The following HIPK1 variants were observed in gnomAD, a reference collection of about 807,000 sequenced individuals.
The protein encoded by HIPK1 is homeodomain interacting protein kinase 1, also known as homeodomain-interacting protein kinase 1.
In HIPK1, 28 loss-of-function variants were observed where a neutral mutation model predicts 117.1. The observed-to-expected ratio is 0.24, with a 90% CI of 0.18 to 0.33. The LOEUF is 0.33. Among genes scored for constraint, HIPK1 ranks in the 10% least tolerant of loss-of-function variants. HIPK1 has a pLI of 1.00. For synonymous variants in HIPK1, 605 were observed against 562.5 expected (o/e 1.08, Z -1.07); for missense variants, 1,122 against 1,475.1 (o/e 0.76, Z 3.92).
At chr1:113,952,699 G>C (rs983552421) in intron 2 of HIPK1, 67 bp from the exon 3 acceptor site, 1 of 1,193,320 alleles carries the variant, frequency 8.4e-7, no homozygotes, top group South Asian at 2.5e-5. Context: ...ACAGGACTTA[G>C]TCATGTAGTT....
At chr1:113,930,269 C>T (rs539659507) in intron 1 of HIPK1, among the ~76,000 whole-genome samples, 2 of 152,354 alleles carry the variant, frequency 1.3e-5, no homozygotes, top group African/African-American at 2.4e-5. Flanking sequence ...GTTTTTTCCC[C>T]GGCTGTCGTG....
intron 1 of HIPK1, among the ~76,000 whole-genome samples, chr1:113,933,734 G>A (rs2101120267): frequency 6.6e-6 from 1 of 152,232 alleles, no homozygotes; most frequent in South Asian, 2.1e-4. Flanking sequence ...GGGCGTGGTG[G>A]CATGTACTGG....
intron 2 of HIPK1, chr1:113,951,035 A>G (rs1671329555): frequency 5.8e-6 from 1 of 172,024 alleles, no homozygotes; most frequent in Non-Finnish European, 1.2e-5. Flanking sequence ...GCTAACATGT[A>G]AAAAGATGTG....
intron 2 of HIPK1, among the ~76,000 whole-genome samples, chr1:113,949,034 C>T (rs1219879200): frequency 4.6e-5 from 7 of 152,212 alleles, no homozygotes; most frequent in African/African-American, 1.4e-4. Context: ...GACTGGGTTT[C>T]ATCATGTTGG....
chr1:113,962,304 C>T lies in HIPK1; in HGVS notation c.1982-13C>T, dbSNP rs1164838382. Reference sequence around the variant, plus strand: ...CTTGCAAAACTATTTAACTGTGATGCTGTTTTCAATAGCTGGACTACAAGC... The same window carrying T: ...CTTGCAAAACTATTTAACTGTGATGTTGTTTTCAATAGCTGGACTACAAGC... On this transcript the variant is annotated splice_polypyrimidine_tract_variant and intron_variant, in intron 8 of 15. Transcript: ENST00000426820. 3 of 1,612,174 alleles carry T rather than the reference C, an allele frequency of 1.9e-6. No individual in the cohort carries two copies. In the South Asian group the frequency reaches 3.3e-5, roughly 18 times the overall value.
chr1:113,969,848 A>C lies in HIPK1; in HGVS notation c.2772-108A>C, dbSNP rs990505824. Reference sequence around the variant, plus strand: ...CTTGAGCCCAGGAGGTTGAGGTCGCAGCGAGCTGTGATCACTCCACTGCAC... The same window carrying C: ...CTTGAGCCCAGGAGGTTGAGGTCGCCGCGAGCTGTGATCACTCCACTGCAC... On this transcript the variant is annotated intron_variant, in intron 13 of 15. Coordinates refer to ENST00000426820, the MANE Select transcript of HIPK1 (RefSeq NM_198268.3). The C allele has an allele frequency of 8.0e-6, 10 of 1,243,878 alleles. No individual in the cohort carries two copies. The Middle Eastern group carries it at 8.1e-4, about 101-fold the overall frequency. 77.1% of individuals were successfully genotyped at this position (1,243,878 alleles called of 1,614,324 possible).
intron 1 of HIPK1, among the ~76,000 whole-genome samples, chr1:113,934,574 C>A (rs1020159960): frequency 2.0e-5 from 3 of 151,948 alleles, no homozygotes; most frequent in Non-Finnish European, 4.4e-5. Flanking sequence ...TGGTTAAGTC[C>A]TTGGAAAGTC....
intron 2 of HIPK1, among the ~76,000 whole-genome samples, chr1:113,952,111 G>C (rs1671406500): frequency 6.6e-6 from 1 of 151,706 alleles, no homozygotes; most frequent in Non-Finnish European, 1.5e-5. Flanking sequence ...ACTCATTTTT[G>C]TATTTTTAGT....
At chr1:113,942,480 C>T (rs1051162109) in intron 2 of HIPK1, among the ~76,000 whole-genome samples, 2 of 152,156 alleles carry the variant, frequency 1.3e-5, no homozygotes, top group Non-Finnish European at 2.9e-5. Flanking sequence ...GGGAATAACT[C>T]TAGGTTTAAC....
rs965167558 is a variant in HIPK1 at position 113,929,984 on chromosome 1, C to T, written c.-3+452C>T. The T allele has an allele frequency of 3.8e-5, 37 of 985,358 alleles. No homozygotes were observed. In the African/African-American group the frequency reaches 6.1e-4, roughly 16 times the overall value. The allele number at this position is 985,358 out of a possible 1,614,324, so 61.0% of individuals were successfully genotyped here. ...AGGGGTCCTCGGCGGGGAGCGACTT[C>T]CCCTCAGCTCCCTGAGGCGGGGCCG... On this transcript the variant is annotated intron_variant, in intron 1 of 15. Coordinates refer to ENST00000426820, the MANE Select transcript of HIPK1 (RefSeq NM_198268.3).
rs1165178666 is a variant in HIPK1, at chr1:113,940,926, G to T, written c.543G>T (p.Glu181Asp). Reference protein sequence around the residue: ...GEGDYQLVQHEILCSMTNSYE... With the variant: ...GEGDYQLVQHDILCSMTNSYE... ...GGGATTACCAGCTGGTCCAGCATGAGATCCTTTGCTCTATGACCAATAGCT... is the reference window on the plus strand; with the variant it reads ...GGGATTACCAGCTGGTCCAGCATGATATCCTTTGCTCTATGACCAATAGCT... Residue 181 changes from glutamate (E) to aspartate (D), a missense_variant, in exon 2 of 16, where the codon GAG becomes GAT. By Grantham distance (45) the Glu-to-Asp change is conservative (BLOSUM62 2). Around this residue, in one of 6 missense-constraint regions of HIPK1, gnomAD observed 192 missense variants for 234.0 expected, o/e 0.82. Transcript: ENST00000426820. 6.2e-7 allele frequency: 1 copy of T among 1,614,192 alleles called. No individual in the cohort carries two copies. The highest frequency in any genetic ancestry group is 8.5e-7 in the Non-Finnish European group (1 of 1,180,046).
intron 2 of HIPK1, among the ~76,000 whole-genome samples, chr1:113,951,672 G>A (rs1671369824): frequency 6.6e-6 from 1 of 152,144 alleles, no homozygotes; most frequent in African/African-American, 2.4e-5. Context: ...CCATGCACTG[G>A]TCTAAAAGCT....
chr1:113,931,099 T>A (rs1669863381), intron 1 of HIPK1, among the ~76,000 whole-genome samples: 1 of 152,042 alleles, frequency 6.6e-6, no homozygotes, highest in South Asian at 2.1e-4. Flanking sequence ...ATTAAGTGGC[T>A]GATGCCCTCA....
At position 113,970,131 on chromosome 1, in the gene HIPK1, C is replaced by T. The variant is rs371477847; in HGVS notation, c.2947C>T (p.Arg983Cys). ...AGTTGTGGCAGATGGCACTGGCACC[C>T]GCACTATCATTGTGCCTCCACTGAA... ...GRVVADGTGT[R>C]TIIVPPLKTQ... The change falls in exon 14 of 16, where the codon CGC becomes TGC. Residue 983 changes from arginine (R) to cysteine (C), a missense_variant. Arg to Cys is a radical substitution (Grantham distance 180, BLOSUM62 -3). Around this residue, in one of 6 missense-constraint regions of HIPK1, gnomAD observed 731 missense variants for 860.4 expected, o/e 0.85. Coordinates refer to ENST00000426820, the MANE Select transcript of HIPK1 (RefSeq NM_198268.3). 4.1e-5 allele frequency: 66 copies of T among 1,614,082 alleles called. No individual in the cohort carries two copies. The highest frequency in any genetic ancestry group is 1.1e-4 in the East Asian group (5 of 44,886).
Position 113,968,524 on chromosome 1 carries a change from T to A in HIPK1, c.2647T>A (p.Leu883Met). 1 of 1,614,096 alleles carries A rather than the reference T, an allele frequency of 6.2e-7. No individual in the cohort carries two copies. The highest frequency in any genetic ancestry group is 8.5e-7 in the Non-Finnish European group (1 of 1,179,940). Residue 883 changes from leucine (L) to methionine (M), a missense_variant, in exon 13 of 16, where the codon TTG becomes ATG. Around this residue, in one of 6 missense-constraint regions of HIPK1, gnomAD observed 731 missense variants for 860.4 expected, o/e 0.85. Transcript: ENST00000426820. ...PLRTTSSYNS[L>M]VPVQDQHQPI... The stretch of plus-strand genomic sequence containing the variant: ...CCGCACCACATCTTCTTATAATTCC[T>A]TGGTCCCTGTCCAAGATCAGCATCA...
intron 11 of HIPK1, among the ~76,000 whole-genome samples, chr1:113,967,413 C>T (rs112952512): frequency 5.5e-4 from 83 of 152,266 alleles, no homozygotes; most frequent in Middle Eastern, 3.4e-3. Context: ...TGGATATAAG[C>T]CATTTTAACT....
At chr1:113,939,966 TTTTTTCAA>T (rs1172596626) in intron 1 of HIPK1, among the ~76,000 whole-genome samples, 38 of 151,778 alleles carry the variant, frequency 2.5e-4, no homozygotes, top group African/African-American at 9.0e-4. Flanking sequence ...TTTTTTTTTT[TTTTTTCAA>T]TTTTAGTATT....
At chr1:113,932,047 G>C (rs183089400) in intron 1 of HIPK1, among the ~76,000 whole-genome samples, 27 of 152,006 alleles carry the variant, frequency 1.8e-4, no homozygotes, top group African/African-American at 6.3e-4. Context: ...TTGTCTTTTG[G>C]TTCCTTTTGT....
intron 2 of HIPK1, among the ~76,000 whole-genome samples, chr1:113,948,107 A>G (rs920496757): frequency 3.3e-5 from 5 of 152,246 alleles, no homozygotes; most frequent in African/African-American, 1.2e-4. Flanking sequence ...TTCACAGTTT[A>G]AAGTATTCAG....
Sources: gnomAD v4.1 joint callset for allele counts (sites outside exome capture counted in the v4.1 genomes callset) on GRCh38, gnomAD v4.1.1 for gene constraint, gnomAD v4.1.1 regional missense constraint, MANE v1.5 for transcripts, NCBI Gene and HGNC (gene_info 2026-07-23, HGNC 2026-07-21) for gene names.